Variants in GORASP2 observed in about 807,000 individuals in gnomAD.
GORASP2 encodes the protein Golgi reassembly-stacking protein 2.
GORASP2 carries 22 observed loss-of-function variants against 45.7 expected under a neutral mutation model. The observed-to-expected ratio is 0.48, with a 90% CI of 0.34 to 0.69. The LOEUF (loss-of-function observed/expected upper bound fraction) is 0.69, where lower values mean the gene tolerates loss of function less well. GORASP2 is among the 30% of genes least tolerant of loss of function. The probability of loss-of-function intolerance (pLI) is 0.01; values close to 1 mark genes in which losing one functional copy is unlikely to be tolerated. For missense variants in GORASP2, 491 were observed against 562.7 expected (o/e 0.87, Z 1.29); for synonymous variants, 221 against 215.6 (o/e 1.02, Z -0.22).
At chr2:170,936,685 G>C in intron 1 of GORASP2, 2 of 1,276,850 alleles carry the variant, frequency 1.6e-6, no homozygotes, top group Non-Finnish European at 2.1e-6. Context: ...CGGGCATAAT[G>C]GTGTGCACCT....
chr2:170,949,393 A>G, intron 2 of GORASP2, 146 bp from the exon 3 acceptor site: 1 of 610,086 alleles, frequency 1.6e-6, no homozygotes, highest in Non-Finnish European at 2.8e-6. Context: ...ATTCTTTTAC[A>G]TAGAAGAAAA....
chr2:170,962,511 T>A (rs945108136), intron 8 of GORASP2, among the ~76,000 whole-genome samples: 5 of 152,250 alleles, frequency 3.3e-5, no homozygotes, highest in African/African-American at 9.6e-5. Flanking sequence ...AGTTTCATTA[T>A]CTGCCATATC....
chr2:170,936,797 A>G, intron 1 of GORASP2: 1 of 428,032 alleles, frequency 2.3e-6, no homozygotes, highest in South Asian at 1.7e-5. Flanking sequence ...AATAAAAGCA[A>G]AATTGTCACT....
At chr2:170,955,904 T>C (rs1704414771) in intron 6 of GORASP2, among the ~76,000 whole-genome samples, 2 of 152,234 alleles carry the variant, frequency 1.3e-5, no homozygotes, top group Admixed American at 6.5e-5. Flanking sequence ...CCATAGAGAC[T>C]CCTTTTTTTC....
intron 1 of GORASP2, 52 bp from the exon 2 acceptor site, chr2:170,948,298 A>G: frequency 4.9e-6 from 5 of 1,018,332 alleles, no homozygotes; most frequent in Non-Finnish European, 7.7e-6. Flanking sequence ...TTCGGCTTAC[A>G]ATTTTCACCT....
At chr2:170,958,269 T>G (rs1704474475) in intron 7 of GORASP2, among the ~76,000 whole-genome samples, 1 of 152,210 alleles carries the variant, frequency 6.6e-6, no homozygotes, top group African/African-American at 2.4e-5. Flanking sequence ...GCTGGTTTTC[T>G]TTTTTTCCAG....
intron 7 of GORASP2, among the ~76,000 whole-genome samples, chr2:170,958,455 A>C (rs1314764279): frequency 1.3e-5 from 2 of 152,128 alleles, no homozygotes; most frequent in African/African-American, 4.8e-5. Context: ...TTGGAAGGGA[A>C]CTTAAAGTTT....
At chr2:170,959,017 A>G (rs1002388946) in intron 7 of GORASP2, among the ~76,000 whole-genome samples, 3 of 147,806 alleles carry the variant, frequency 2.0e-5, no homozygotes, top group South Asian at 2.1e-4. Context: ...CTGGAGTGCA[A>G]TGGCGCTATC....
At chr2:170,961,553 T>G (rs990173450) in intron 7 of GORASP2, 110 bp from the exon 8 acceptor site, 2 of 740,150 alleles carry the variant, frequency 2.7e-6, no homozygotes, top group Non-Finnish European at 5.0e-6. Flanking sequence ...CGGGACCAAA[T>G]GAAGACCTGA....
intron 1 of GORASP2, among the ~76,000 whole-genome samples, chr2:170,943,405 A>T (rs898519162): frequency 6.6e-6 from 1 of 152,180 alleles, no homozygotes; most frequent in Non-Finnish European, 1.5e-5. Flanking sequence ...AGTTAGGAGG[A>T]TGAGCTTAAG....
chr2:170,962,507 A>G (rs914972754), intron 8 of GORASP2, among the ~76,000 whole-genome samples: 2 of 152,236 alleles, frequency 1.3e-5, no homozygotes, highest in Non-Finnish European at 2.9e-5. Flanking sequence ...ATTCAGTTTC[A>G]TTATCTGCCA....
intron 1 of GORASP2, among the ~76,000 whole-genome samples, chr2:170,940,411 C>T (rs1030696140): frequency 6.6e-6 from 1 of 152,106 alleles, no homozygotes; most frequent in African/African-American, 2.4e-5. Context: ...GCCATTCCTC[C>T]CTCCCCCAAG....
chr2:170,950,281 C>A lies in GORASP2; in HGVS notation c.426C>A (p.Val142=). 6.0e-6 allele frequency: 9 copies of A among 1,509,600 alleles called. No individual in the cohort carries two copies. The highest frequency in any genetic ancestry group is 1.2e-5 in the South Asian group (1 of 83,584). 93.5% of individuals were successfully genotyped at this position (1,509,600 alleles called of 1,614,324 possible). Residue 142 remains valine (V), a synonymous_variant, in exon 4 of 10, where the codon GTC becomes GTA. Transcript: ENST00000234160. The part of the protein sequence containing the change: ...HSDYIIGADT[V]MNESEDLFSL... ...ATTATATAATTGGAGCAGATACAGT[C>A]ATGAATGAGGTAATTCGTGTGTTTA...
At chr2:170,933,193 A>T (rs1703869012) in intron 1 of GORASP2, among the ~76,000 whole-genome samples, 1 of 152,172 alleles carries the variant, frequency 6.6e-6, no homozygotes, top group South Asian at 2.1e-4. Context: ...GTCTTTTTTT[A>T]AAAAATAGCA....
Position 170,951,549 on chromosome 2 carries a change from T to C in GORASP2, c.566+91T>C, listed in dbSNP as rs1704298619. ...TGATTGTTTTTATTTTGAAAGAAAT[T>C]ACTGGTTTATTTTAAGACTCCTCTT... On this transcript the variant is annotated intron_variant, in intron 5 of 9. Transcript: ENST00000234160. 2.3e-5 allele frequency: 24 copies of C among 1,045,066 alleles called. No individual in the cohort carries two copies. The South Asian group carries it at 4.1e-4, about 18-fold the overall frequency. The allele number at this position is 1,045,066 out of a possible 1,614,324, so 64.7% of individuals were successfully genotyped here.
intron 1 of GORASP2, among the ~76,000 whole-genome samples, chr2:170,935,572 CT>C (rs1197617014): frequency 2.0e-3 from 285 of 139,996 alleles, no homozygotes; most frequent in Middle Eastern, 0.015. Flanking sequence ...CGCCCCACCT[CT>C]TTTTTTTTTT....
At chr2:170,933,831 GAT>G (rs1703883223) in intron 1 of GORASP2, among the ~76,000 whole-genome samples, 1 of 152,158 alleles carries the variant, frequency 6.6e-6, no homozygotes, top group African/African-American at 2.4e-5. Flanking sequence ...TTCTGGGAGA[GAT>G]TTTGAGGTGA....
intron 1 of GORASP2, chr2:170,936,555 G>T (rs1314246551): frequency 1.1e-6 from 1 of 923,178 alleles, no homozygotes; most frequent in African/African-American, 1.7e-5. Context: ...ACATTTCCCT[G>T]TTGGCATTGC....
At chr2:170,949,105 T>C (rs1704240783) in intron 2 of GORASP2, among the ~76,000 whole-genome samples, 1 of 152,198 alleles carries the variant, frequency 6.6e-6, no homozygotes, top group Non-Finnish European at 1.5e-5. Flanking sequence ...AATATGCTGT[T>C]TCTACTTTCT....
Sources: allele counts gnomAD v4.1 joint callset (sites outside exome capture counted in the v4.1 genomes callset), GRCh38; gene constraint gnomAD v4.1.1; transcripts MANE v1.5; gene names NCBI Gene and HGNC (gene_info 2026-07-23, HGNC 2026-07-21).